CNTROB: variants seen among roughly 807,000 people sequenced by gnomAD.
CNTROB encodes centrobin, centriole duplication and spindle assembly protein.
In CNTROB, 82 loss-of-function variants were observed where a neutral mutation model predicts 115.7. The observed-to-expected ratio is 0.71, with a 90% CI of 0.59 to 0.85. The LOEUF (loss-of-function observed/expected upper bound fraction) is 0.85. Ranked by LOEUF, CNTROB falls within the 40% of genes least tolerant of loss-of-function variation. The pLI is 0.00. For synonymous variants in CNTROB, 439 were observed against 456.4 expected (o/e 0.96, Z 0.49); for missense variants, 1,014 against 1,144.4 (o/e 0.89, Z 1.64).
At chr17:7,940,309 C>G (rs902047422) in intron 9 of CNTROB, 67 bp downstream of exon 9, 1 of 1,446,576 alleles carries the variant, frequency 6.9e-7, no homozygotes, top group Non-Finnish European at 9.2e-7. Flanking sequence ...AGGGACCTCT[C>G]AGGAGTTGTG....
At chr17:7,941,074 G>T (rs1973798456) in intron 9 of CNTROB, among the ~76,000 whole-genome samples, 1 of 152,206 alleles carries the variant, frequency 6.6e-6, no homozygotes, top group African/African-American at 2.4e-5. Flanking sequence ...AGAGAGCTGT[G>T]TTCCAGCCCA....
In CNTROB at chr17:7,945,787, G is replaced by A; in HGVS notation, c.1794G>A (p.Arg598=). ...AGGAGCCCGAGAAGGAGGAGAGGAG[G>A]GTCTGGACTATGCCTCCCATGGCCG... ...GPQEPEKEER[R]VWTMPPMAVA... The change falls in exon 13 of 19, where the codon AGG becomes AGA. Residue 598 remains arginine, a synonymous_variant. Transcript: ENST00000563694. 6.2e-7 allele frequency: 1 copy of A among 1,614,214 alleles called. No individual in the cohort carries two copies.
At chr17:7,934,260 C>G (rs758519454) in intron 2 of CNTROB, 38 bp downstream of exon 2, 2 of 1,579,288 alleles carry the variant, frequency 1.3e-6, no homozygotes, top group Middle Eastern at 1.7e-4. Context: ...GAAGGAGAAC[C>G]TAGATGTAAG....
chr17:7,940,148 C>T lies in CNTROB; in HGVS notation c.1217C>T (p.Ala406Val), dbSNP rs1320535441. 6.2e-7 allele frequency: 1 copy of T among 1,610,876 alleles called. No individual in the cohort carries two copies. The highest frequency in any genetic ancestry group is 1.7e-5 in the Admixed American group (1 of 59,770). Residue 406 changes from alanine to valine, a missense_variant, in exon 9 of 19, where the codon GCA becomes GTA. Transcript: ENST00000563694. ...QAAWETQHQL[A>V]LVQSEVRRLE... Reference sequence around the variant, plus strand: ...GCCTGGGAGACCCAGCACCAGTTGGCATTGGTGCAGTCTGAGGTGCGGCGG... The same window carrying T: ...GCCTGGGAGACCCAGCACCAGTTGGTATTGGTGCAGTCTGAGGTGCGGCGG...
At position 7,945,023 on chromosome 17, in the gene CNTROB, T is replaced by C. The variant is rs375217628; in HGVS notation, c.1734+385T>C. 1.4e-4 allele frequency among the ~76,000 whole-genome samples: 21 copies of C among 152,300 alleles called. 1 individual carries two copies. The highest frequency in any genetic ancestry group is 4.8e-4 in the African/African-American group (20 of 41,556). On this transcript the variant is annotated intron_variant, in intron 12 of 18. Transcript: ENST00000563694. ...GCTCACTCAGACTGGCCCCATTCCATTGGGCATAACTCTAGTCTCCCAGTC... is the reference window on the plus strand; with the variant it reads ...GCTCACTCAGACTGGCCCCATTCCACTGGGCATAACTCTAGTCTCCCAGTC...
rs1974997714 is a variant in CNTROB, at chr17:7,949,647, A to T, written c.*137A>T. 1 of 823,370 alleles carries T rather than the reference A, an allele frequency of 1.2e-6. No individual in the cohort carries two copies. Among genetic ancestry groups the T allele is most frequent in the East Asian group, 3.1e-5 (1 of 32,664 alleles). 51.0% of individuals were successfully genotyped at this position (823,370 alleles called of 1,614,324 possible). A position where few individuals can be genotyped will look rare whatever the true frequency, so the allele number is the denominator to read the frequency against. On this transcript the variant is annotated 3_prime_UTR_variant, in exon 19 of 19. Transcript: ENST00000563694. ...TAGGGAATCACTTCGTAAAGAAACC[A>T]CATTTGGTTGAGTACTTTTTTTATA...
chr17:7,945,767 C>T lies in CNTROB; in HGVS notation c.1774C>T (p.Pro592Ser). ...ACCCTCCAGCCCCGGGCCTCAGGAGCCCGAGAAGGAGGAGAGGAGGGTCTG... is the reference window on the plus strand; with the variant it reads ...ACCCTCCAGCCCCGGGCCTCAGGAGTCCGAGAAGGAGGAGAGGAGGGTCTG... ...AGPSSPGPQE[P>S]EKEERRVWTM... Residue 592 changes from proline to serine, a missense_variant, in exon 13 of 19, where the codon CCC (proline) becomes TCC (serine). By Grantham distance (74) the Pro-to-Ser change is moderately conservative (BLOSUM62 -1). Transcript: ENST00000563694. 1 of 1,614,224 alleles carries T rather than the reference C, an allele frequency of 6.2e-7. No individual in the cohort carries two copies. The highest frequency in any genetic ancestry group is 8.5e-7 in the Non-Finnish European group (1 of 1,180,016).
chr17:7,946,440 C>T (rs924411189), intron 13 of CNTROB, among the ~76,000 whole-genome samples: 6 of 151,988 alleles, frequency 3.9e-5, no homozygotes, highest in African/African-American at 1.5e-4. Flanking sequence ...TTTTTAGGTC[C>T]AGTTTAAAGA....
chr17:7,944,291 C>T lies in CNTROB; in HGVS notation c.1571+43C>T. ...GCCCCTTTCAGGCCCCAGCCCCTTT[C>T]CCATGGGTAGAGCCCAAACTGGGAA... On this transcript the variant is annotated intron_variant, in intron 11 of 18. Coordinates refer to ENST00000563694, the MANE Select transcript of CNTROB (RefSeq NM_053051.5). This position sits in a 1 kb window ranked among gnomAD's most constrained non-coding sequence, Gnocchi z 4.0. 6.2e-7 allele frequency: 1 copy of T among 1,606,570 alleles called. No individual in the cohort carries two copies. Among genetic ancestry groups the T allele is most frequent in the South Asian group, 1.1e-5 (1 of 90,880 alleles).
At chr17:7,941,036 C>T (rs910965329) in intron 9 of CNTROB, among the ~76,000 whole-genome samples, 6 of 152,110 alleles carry the variant, frequency 3.9e-5, no homozygotes, top group African/African-American at 9.7e-5. Context: ...TGTAGTTCGC[C>T]GATCTCCAGA....
intron 1 of CNTROB, 79 bp from the exon 2 acceptor site, chr17:7,934,059 G>A (rs1336086629): frequency 1.3e-5 from 16 of 1,185,816 alleles, no homozygotes; most frequent in Non-Finnish European, 2.0e-5. Context: ...CAAAGTGCTG[G>A]AGTGAAAATT....
chr17:7,947,660 G>T lies in CNTROB; in HGVS notation c.2083G>T (p.Gly695Cys), dbSNP rs1159019193. 1 of 1,613,932 alleles carries T rather than the reference G, an allele frequency of 6.2e-7. No homozygotes were observed. The highest frequency in any genetic ancestry group is 8.5e-7 in the Non-Finnish European group (1 of 1,179,794). The change falls in exon 14 of 19, where the codon GGC (glycine) becomes TGC (cysteine). Residue 695 changes from glycine to cysteine, a missense_variant. Gly to Cys is a radical substitution (Grantham distance 159). Coordinates refer to ENST00000563694, the MANE Select transcript of CNTROB (RefSeq NM_053051.5). ...PEEDPGPDGE[G>C]LLKQGLPPAQ... ...GGAAGATCCTGGACCTGACGGGGAG[G>T]GCCTCCTAAAGCAAGGGCTGCCGCC... is the stretch of plus-strand genomic sequence containing the variant.
Position 7,948,031 on chromosome 17 carries a change from G to T in CNTROB, c.2209+52G>T. On this transcript the variant is annotated intron_variant, in intron 15 of 18. Transcript: ENST00000563694. This position sits in a 1 kb window ranked among gnomAD's most constrained non-coding sequence, Gnocchi z 4.4. ...GGGCTGGGGCCTAGGAAAGATCGGA[G>T]TTGGTTATCTAGGATGAATTTTTAG... 6.2e-7 allele frequency: 1 copy of T among 1,600,382 alleles called. No homozygotes were observed. Among genetic ancestry groups the T allele is most frequent in the Non-Finnish European group, 8.6e-7 (1 of 1,167,678 alleles).
At chr17:7,935,229 C>T (rs982541851) in intron 4 of CNTROB, 84 bp downstream of exon 4, 18 of 1,593,662 alleles carry the variant, frequency 1.1e-5, no homozygotes, top group Admixed American at 3.4e-5. Flanking sequence ...GGGGGCCTGG[C>T]GTGGTGGCTC....
rs758945990 is a variant in CNTROB at position 7,945,843 on chromosome 17, G to A, written c.1850G>A (p.Arg617Gln). The change falls in exon 13 of 19, where the codon CGG (arginine) becomes CAG (glutamine). Residue 617 changes from arginine (R) to glutamine (Q), a missense_variant. By Grantham distance (43) the Arg-to-Gln change is conservative. Transcript: ENST00000563694. ...CTGAAGCCTGTATTGCAGCAGAGCC[G>A]GGAAGCAAGGGACGAGCTACCTGGA... is the stretch of plus-strand genomic sequence containing the variant. ...VALKPVLQQS[R>Q]EARDELPGAP... is the part of the protein sequence containing the mutation. 37 of 1,614,074 alleles carry A rather than the reference G, an allele frequency of 2.3e-5. No individual in the cohort carries two copies. The highest frequency in any genetic ancestry group is 2.1e-4 in the African/African-American group (16 of 74,916).
intron 13 of CNTROB, among the ~76,000 whole-genome samples, chr17:7,946,267 C>T (rs11654985): frequency 0.52 from 79,456 of 151,988 alleles, 21,249 homozygotes; most frequent in East Asian, 0.76. Flanking sequence ...GCCTGCATAG[C>T]CTCCTGGGTC....
intron 17 of CNTROB, 22 bp from the exon 18 acceptor site, chr17:7,949,063 A>G (rs1974901105): frequency 6.2e-7 from 1 of 1,613,606 alleles, no homozygotes; most frequent in South Asian, 1.1e-5. Flanking sequence ...CCCCATCCTC[A>G]TACCTTTGAT....
At position 7,945,871 on chromosome 17, in the gene CNTROB, G is replaced by C; in HGVS notation, c.1878G>C (p.Ala626=). 6.2e-7 allele frequency: 1 copy of C among 1,614,114 alleles called. No homozygotes were observed. Among genetic ancestry groups the C allele is most frequent in the Non-Finnish European group, 8.5e-7 (1 of 1,180,010 alleles). ...AAGCAAGGGACGAGCTACCTGGAGC[G>C]CCTCCTGTTCTTTGCAGTTCCTCCT... ...SREARDELPG[A]PPVLCSSSSD... is the part of the protein sequence containing the mutation. Residue 626 remains alanine (A), a synonymous_variant, in exon 13 of 19, where the codon GCG becomes GCC. Transcript: ENST00000563694.
In CNTROB at chr17:7,943,503, C is replaced by T. The variant is rs543542629; in HGVS notation, c.1424C>T (p.Ala475Val). The stretch of plus-strand genomic sequence containing the variant: ...CAGGAGAGCAGCCTACGGCAAGCAG[C>T]CTCCCTCAGGGAACATCACAGGTAC... The part of the protein sequence containing the change: ...QAQESSLRQA[A>V]SLREHHRKQL... Residue 475 changes from alanine (A) to valine (V), a missense_variant, in exon 10 of 19, where the codon GCC becomes GTC. By Grantham distance (64) the Ala-to-Val change is moderately conservative. Transcript: ENST00000563694. The surrounding 1 kb of genome is among the most constrained non-coding windows in gnomAD (Gnocchi z 4.7). 6.2e-7 allele frequency: 1 copy of T among 1,613,216 alleles called. No homozygotes were observed. Among genetic ancestry groups the T allele is most frequent in the South Asian group, 1.1e-5 (1 of 90,972 alleles).
Sources: allele counts gnomAD v4.1 joint callset (sites outside exome capture counted in the v4.1 genomes callset), GRCh38; gene constraint gnomAD v4.1.1; non-coding constraint Gnocchi (gnomAD v3.1); transcripts MANE v1.5; gene names NCBI Gene and HGNC (gene_info 2026-07-23, HGNC 2026-07-21).